The following ZNF804B variants were observed in gnomAD, a reference collection of about 807,000 sequenced individuals.
The protein encoded by ZNF804B is zinc finger 804B.
In ZNF804B, 80 loss-of-function variants were observed where a neutral mutation model predicts 101.4. That is an observed-to-expected ratio of 0.79 (90% CI 0.66 to 0.95). The LOEUF (loss-of-function observed/expected upper bound fraction) is 0.95. ZNF804B is among the 40% of genes least tolerant of loss of function. The pLI is 0.00. For missense variants in ZNF804B, 1,673 were observed against 1,561.9 expected (o/e 1.07, Z -1.20); for synonymous variants, 622 against 558.8 (o/e 1.11, Z -1.59).
chr7:89,031,246 A>AT (rs1788829997), intron 1 of ZNF804B, among the ~76,000 whole-genome samples: 1 of 150,860 alleles, frequency 6.6e-6, no homozygotes, highest in African/African-American at 2.4e-5. Flanking sequence ...GAAAAAAAAA[A>AT]CCCTGCTCAG....
In ZNF804B at chr7:89,220,171, ATATGTGTG is replaced by A. The variant is rs1788982091; in HGVS notation, c.249+1880_249+1887del. Among the ~76,000 whole-genome samples, 5 of 94,238 alleles carry A rather than the reference ATATGTGTG, an allele frequency of 5.3e-5. 1 individual carries two copies. The highest frequency in any genetic ancestry group is 6.6e-4 in the South Asian group (2 of 3,038). The allele number at this position is 94,238 out of a possible 152,430, so 61.8% of individuals were successfully genotyped here. The stretch of plus-strand genomic sequence containing the variant: ...TATACATATATATATACGCACATAT[ATATGTGTG>A]TATATATATATATCCTTGGGAAATG... On this transcript the variant is annotated intron_variant, in intron 2 of 3. Coordinates refer to ENST00000333190, the MANE Select transcript of ZNF804B (RefSeq NM_181646.5).
Position 88,831,237 on chromosome 7 carries a change from C to A in ZNF804B, c.108+71153C>A, listed in dbSNP as rs542050719. On this transcript the variant is annotated intron_variant, in intron 1 of 3. Transcript: ENST00000333190. ...GTCACTATTTCCTTCCCAAATTTTC[C>A]AACTTTAGGTAAAGACCAACCTACT... Among the ~76,000 whole-genome samples, 10 of 151,962 alleles carry A rather than the reference C, an allele frequency of 6.6e-5. No homozygotes were observed. In the South Asian group the frequency reaches 2.1e-3, roughly 32 times the overall value.
At chr7:89,182,713 G>T (rs1788315634) in intron 1 of ZNF804B, among the ~76,000 whole-genome samples, 1 of 152,070 alleles carries the variant, frequency 6.6e-6, no homozygotes, top group Non-Finnish European at 1.5e-5. Flanking sequence ...TTATTCTCTG[G>T]AAATTATTAG....
intron 1 of ZNF804B, among the ~76,000 whole-genome samples, chr7:89,011,439 C>A (rs1338737444): frequency 6.6e-6 from 1 of 152,102 alleles, no homozygotes; most frequent in East Asian, 1.9e-4. Flanking sequence ...AGCATTAACC[C>A]AAAAGTCCAG....
At chr7:89,128,690 T>C (rs943211578) in intron 1 of ZNF804B, among the ~76,000 whole-genome samples, 93 of 152,214 alleles carry the variant, frequency 6.1e-4, no homozygotes, top group African/African-American at 2.1e-3. Flanking sequence ...CTAATGGATA[T>C]TAACACATAA....
chr7:89,315,543 C>T (rs1790711832), intron 2 of ZNF804B, among the ~76,000 whole-genome samples: 1 of 151,920 alleles, frequency 6.6e-6, no homozygotes, highest in Non-Finnish European at 1.5e-5. Context: ...TTAAATATAG[C>T]ATTGTTTTAG....
intron 1 of ZNF804B, among the ~76,000 whole-genome samples, chr7:88,854,537 T>TTCCTTCCCTTC (rs774304273): frequency 2.4e-4 from 23 of 95,176 alleles, no homozygotes; most frequent in South Asian, 4.7e-4. Context: ...TTTCCTTCCT[T>TTCCTTCCCTTC]CCTTCCTTCC....
At position 89,335,278 on chromosome 7, in the gene ZNF804B, T is replaced by A. The variant is rs181725389; in HGVS notation, c.2296T>A (p.Ser766Thr). 9 of 1,613,732 alleles carry A rather than the reference T, an allele frequency of 5.6e-6. No homozygotes were observed. The Admixed American group carries it at 8.3e-5, about 15-fold the overall frequency. The stretch of plus-strand genomic sequence containing the variant: ...TCTAAAGCACAACTGCTTCTACTTG[T>A]CTGATGATATAACAAAGAGCAGCCA... The part of the protein sequence containing the change: ...KCLKHNCFYL[S>T]DDITKSSQMQ... The change falls in exon 4 of 4, where the codon TCT becomes ACT. Residue 766 changes from serine (S) to threonine (T), a missense_variant. Coordinates refer to ENST00000333190, the MANE Select transcript of ZNF804B (RefSeq NM_181646.5).
At chr7:88,775,718 A>G (rs1313969001) in intron 1 of ZNF804B, among the ~76,000 whole-genome samples, 2 of 152,226 alleles carry the variant, frequency 1.3e-5, no homozygotes, top group Non-Finnish European at 2.9e-5. Context: ...TTCTTATAAG[A>G]GTCAACAGAC....
At chr7:89,110,275 A>G (rs1319424570) in intron 1 of ZNF804B, among the ~76,000 whole-genome samples, 2 of 152,196 alleles carry the variant, frequency 1.3e-5, no homozygotes. Flanking sequence ...ATTCATGAGA[A>G]ACCAGATAGG....
chr7:89,225,812 C>G (rs1162543526), intron 2 of ZNF804B, among the ~76,000 whole-genome samples: 1 of 151,870 alleles, frequency 6.6e-6, no homozygotes, highest in Non-Finnish European at 1.5e-5. Flanking sequence ...TGGAAAATTG[C>G]TAATCTTCAA....
chr7:88,880,696 T>C (rs1475213499), intron 1 of ZNF804B, among the ~76,000 whole-genome samples: 1 of 152,158 alleles, frequency 6.6e-6, no homozygotes, highest in Non-Finnish European at 1.5e-5. Context: ...GAGCAATTTA[T>C]ACACAATGAG....
chr7:89,122,639 G>A (rs1790423578), intron 1 of ZNF804B, among the ~76,000 whole-genome samples: 1 of 152,026 alleles, frequency 6.6e-6, no homozygotes, highest in Non-Finnish European at 1.5e-5. Flanking sequence ...GTAGACAACT[G>A]GTGCCTTGCC....
At chr7:88,911,461 T>G (rs1321119959) in intron 1 of ZNF804B, among the ~76,000 whole-genome samples, 3 of 148,438 alleles carry the variant, frequency 2.0e-5, no homozygotes, top group Non-Finnish European at 4.5e-5. Context: ...TTTATATATA[T>G]TTATATTATT....
chr7:89,303,805 C>T (rs958735912), intron 2 of ZNF804B, among the ~76,000 whole-genome samples: 7 of 151,824 alleles, frequency 4.6e-5, no homozygotes, highest in African/African-American at 1.2e-4. Context: ...GACTATAAAA[C>T]TGCATCTGTG....
At chr7:89,151,960 T>C (rs1342169981) in intron 1 of ZNF804B, among the ~76,000 whole-genome samples, 1 of 152,088 alleles carries the variant, frequency 6.6e-6, no homozygotes, top group Non-Finnish European at 1.5e-5. Context: ...TTATTGAATG[T>C]TGGGCTTTTT....
At chr7:89,312,833 G>A (rs1336561883) in intron 2 of ZNF804B, among the ~76,000 whole-genome samples, 1 of 150,576 alleles carries the variant, frequency 6.6e-6, no homozygotes, top group Non-Finnish European at 1.5e-5. Flanking sequence ...AAAAAAAAAA[G>A]ATAATGACAT....
At chr7:89,084,887 G>T (rs1439637087) in intron 1 of ZNF804B, among the ~76,000 whole-genome samples, 1 of 151,546 alleles carries the variant, frequency 6.6e-6, no homozygotes, top group African/African-American at 2.4e-5. Flanking sequence ...ATTTATTACT[G>T]GTTTCTAATA....
At chr7:89,190,874 T>A (rs916473285) in intron 1 of ZNF804B, among the ~76,000 whole-genome samples, 10 of 152,302 alleles carry the variant, frequency 6.6e-5, no homozygotes, top group Non-Finnish European at 1.0e-4. Context: ...TAAAATATTT[T>A]AAAATTATGC....
Sources: allele counts gnomAD v4.1 joint callset (sites outside exome capture counted in the v4.1 genomes callset), GRCh38; gene constraint gnomAD v4.1.1; transcripts MANE v1.5; gene names NCBI Gene and HGNC (gene_info 2026-07-23, HGNC 2026-07-21).